The following SH3PXD2A variants were observed in gnomAD, a reference collection of about 807,000 sequenced individuals.
SH3PXD2A encodes SH3 and PX domains 2A.
A neutral mutation model predicts 115.2 loss-of-function variants in SH3PXD2A; 32 were observed. The ratio of observed to expected loss-of-function variants is 0.28; its 90% CI spans 0.21 to 0.37. The LOEUF (loss-of-function observed/expected upper bound fraction) is 0.37. Ranked by LOEUF, SH3PXD2A falls within the 10% of genes least tolerant of loss-of-function variation. The pLI is 1.00. For missense variants in SH3PXD2A, 1,328 were observed against 1,498.7 expected (o/e 0.89, Z 1.88); for synonymous variants, 610 against 629.1 (o/e 0.97, Z 0.45).
intron 4 of SH3PXD2A, among the ~76,000 whole-genome samples, chr10:103,731,162 T>G (rs993827571): frequency 7.3e-5 from 11 of 151,258 alleles, no homozygotes; most frequent in African/African-American, 2.7e-4. Flanking sequence ...GAGTCCCGTT[T>G]TTGTTTTTTT....
chr10:103,747,650 A>G (rs1370745250), intron 3 of SH3PXD2A, among the ~76,000 whole-genome samples: 1 of 151,702 alleles, frequency 6.6e-6, no homozygotes, highest in Admixed American at 6.6e-5. Context: ...AAAGACACCC[A>G]CTCACTTCTG....
chr10:103,641,839 C>A (rs1172392814), intron 8 of SH3PXD2A, among the ~76,000 whole-genome samples: 1 of 152,136 alleles, frequency 6.6e-6, no homozygotes, highest in Admixed American at 6.5e-5. Context: ...CGTTCTGGCA[C>A]GAGATCTCAC....
intron 13 of SH3PXD2A, among the ~76,000 whole-genome samples, chr10:103,608,150 T>TTTAAA (rs2036356171): frequency 3.1e-5 from 1 of 32,670 alleles, no homozygotes; most frequent in African/African-American, 2.4e-4. Context: ...ATGATCAATT[T>TTTAAA]AAAAAAAAAA....
intron 1 of SH3PXD2A, among the ~76,000 whole-genome samples, chr10:103,822,742 A>G (rs941161920): frequency 1.3e-5 from 2 of 152,210 alleles, no homozygotes; most frequent in African/African-American, 2.4e-5. Context: ...AATCCTCTAA[A>G]CCCAAAGTAA....
chr10:103,782,089 G>A (rs1034232271), intron 2 of SH3PXD2A, among the ~76,000 whole-genome samples: 3 of 152,140 alleles, frequency 2.0e-5, no homozygotes, highest in African/African-American at 7.2e-5. Flanking sequence ...ACCTGGTCAC[G>A]AAGGGCTATG....
At chr10:103,610,095 C>T in intron 13 of SH3PXD2A, 1 of 152,340 alleles carries the variant, frequency 6.6e-6, no homozygotes, top group East Asian at 1.9e-4. Flanking sequence ...CCTCATCCTT[C>T]AAGGCTCTGC....
At chr10:103,844,395 G>C (rs1842819529) in intron 1 of SH3PXD2A, among the ~76,000 whole-genome samples, 1 of 152,336 alleles carries the variant, frequency 6.6e-6, no homozygotes, top group South Asian at 2.1e-4. Flanking sequence ...TCCCACACAG[G>C]CAAGTCCCTT....
At chr10:103,767,755 T>C (rs2038769966) in intron 2 of SH3PXD2A, among the ~76,000 whole-genome samples, 1 of 149,424 alleles carries the variant, frequency 6.7e-6, no homozygotes, top group Non-Finnish European at 1.5e-5. Flanking sequence ...CTGCTGTTTT[T>C]CCAAGGACGG....
At chr10:103,736,633 A>T in intron 3 of SH3PXD2A, 1 of 585,322 alleles carries the variant, frequency 1.7e-6, no homozygotes, top group Admixed American at 2.4e-5. Context: ...GCCTTCCTTG[A>T]TTGGCTGAGC....
rs549449048 is a variant in SH3PXD2A, at chr10:103,852,417, C to T, written c.72+2778G>A. ...GCCAGCAGAGCTCCTCCTGCGTGGGCCCCAGGCCTCTCATCGGCTAGCTCT... is the reference window on the plus strand; with the variant it reads ...GCCAGCAGAGCTCCTCCTGCGTGGGTCCCAGGCCTCTCATCGGCTAGCTCT... On this transcript the variant is annotated intron_variant, in intron 1 of 14. Transcript: ENST00000369774. 3.9e-5 allele frequency among the ~76,000 whole-genome samples: 6 copies of T among 152,344 alleles called. No individual in the cohort carries two copies. In the East Asian group the frequency reaches 1.2e-3, roughly 29 times the overall value.
intron 11 of SH3PXD2A, among the ~76,000 whole-genome samples, chr10:103,616,428 A>G (rs949348046): frequency 1.3e-5 from 2 of 152,198 alleles, no homozygotes; most frequent in Non-Finnish European, 2.9e-5. Context: ...CTCCTGGAGC[A>G]TTTCTTGAGA....
At chr10:103,761,188 G>A (rs138236720) in intron 3 of SH3PXD2A, among the ~76,000 whole-genome samples, 1 of 152,264 alleles carries the variant, frequency 6.6e-6, no homozygotes, top group Non-Finnish European at 1.5e-5. Flanking sequence ...TAGTTGAGTT[G>A]TGCCAATATT....
intron 3 of SH3PXD2A, 65 bp from the exon 4 acceptor site, chr10:103,735,873 C>T (rs1589434990): frequency 7.9e-7 from 1 of 1,271,812 alleles, no homozygotes; most frequent in East Asian, 2.3e-5. Context: ...CTTCTCATTC[C>T]CCTCTCCCTT....
chr10:103,604,545 C>T (rs986755838), intron 14 of SH3PXD2A, among the ~76,000 whole-genome samples: 1 of 152,080 alleles, frequency 6.6e-6, no homozygotes, highest in Non-Finnish European at 1.5e-5. Flanking sequence ...ACATAAAGGG[C>T]AGATAACTGG....
chr10:103,682,508 A>G (rs1230257331), intron 6 of SH3PXD2A, among the ~76,000 whole-genome samples: 1 of 152,238 alleles, frequency 6.6e-6, no homozygotes, highest in Non-Finnish European at 1.5e-5. Context: ...CTGTAATCGC[A>G]GCACTTTGAG....
chr10:103,689,093 C>T (rs1442121757), intron 6 of SH3PXD2A, among the ~76,000 whole-genome samples: 2 of 152,056 alleles, frequency 1.3e-5, no homozygotes, highest in Admixed American at 6.5e-5. Flanking sequence ...AGGCTGGTCT[C>T]GAACTCCTAG....
chr10:103,793,891 T>A (rs1183729625), intron 2 of SH3PXD2A, among the ~76,000 whole-genome samples: 3 of 152,220 alleles, frequency 2.0e-5, no homozygotes, highest in Non-Finnish European at 4.4e-5. Context: ...CAGGTTGATC[T>A]CAGCTGAGGC....
chr10:103,758,998 G>A (rs1564882176), intron 3 of SH3PXD2A, among the ~76,000 whole-genome samples: 1 of 152,152 alleles, frequency 6.6e-6, no homozygotes, highest in Non-Finnish European at 1.5e-5. Flanking sequence ...GGGCCCTTCA[G>A]GAAGGGCTTT....
intron 6 of SH3PXD2A, among the ~76,000 whole-genome samples, chr10:103,677,525 G>A (rs2037553891): frequency 6.6e-6 from 1 of 152,146 alleles, no homozygotes; most frequent in Non-Finnish European, 1.5e-5. Context: ...AGGGGTAGGA[G>A]GAGAATTCAT....
Sources: gnomAD v4.1 joint callset for allele counts (sites outside exome capture counted in the v4.1 genomes callset) on GRCh38, gnomAD v4.1.1 for gene constraint, MANE v1.5 for transcripts, NCBI Gene and HGNC (gene_info 2026-07-23, HGNC 2026-07-21) for gene names.